TDRD12: variants seen among roughly 807,000 people sequenced by gnomAD.
TDRD12 encodes the protein tudor domain containing 12.
In TDRD12, 158 loss-of-function variants were observed where a neutral mutation model predicts 133.5. That is an observed-to-expected ratio of 1.18 (90% CI 1.04 to 1.35). The LOEUF (loss-of-function observed/expected upper bound fraction) is 1.35. Among genes scored for constraint, TDRD12 ranks in the 40% most tolerant of loss-of-function variants. TDRD12 has a pLI of 0.00. For missense variants in TDRD12, 1,443 were observed against 1,321.3 expected (o/e 1.09, Z -1.43); for synonymous variants, 460 against 477.9 (o/e 0.96, Z 0.49).
intron 5 of TDRD12, 107 bp from the exon 6 acceptor site, chr19:32,749,677 G>A (rs1969764464): frequency 1.3e-6 from 1 of 779,434 alleles, no homozygotes; most frequent in Non-Finnish European, 2.1e-6. Flanking sequence ...GAAGACATTT[G>A]GGCACTCTTA....
intron 2 of TDRD12, among the ~76,000 whole-genome samples, chr19:32,734,456 C>T (rs909596296): frequency 4.6e-5 from 7 of 151,696 alleles, no homozygotes; most frequent in Middle Eastern, 3.4e-3. Flanking sequence ...CTGCAACCTC[C>T]GCCTTTTGGT....
intron 21 of TDRD12, 137 bp from the exon 22 acceptor site, chr19:32,807,412 G>A (rs1971585412): frequency 4.6e-6 from 2 of 433,512 alleles, no homozygotes. Context: ...AATATTTAAT[G>A]TGGTTATTCA....
At chr19:32,726,010 A>ATATATATATATATATATATATATATAT (rs1968846711) in intron 1 of TDRD12, among the ~76,000 whole-genome samples, 1 of 152,126 alleles carries the variant, frequency 6.6e-6, no homozygotes, top group African/African-American at 2.4e-5. Context: ...TTTTTATTGT[A>ATATATATATATATATATATATATATAT]AAAAACATGT....
intron 24 of TDRD12, among the ~76,000 whole-genome samples, chr19:32,811,668 G>C (rs997166746): frequency 6.6e-6 from 1 of 152,064 alleles, no homozygotes; most frequent in African/African-American, 2.4e-5. Context: ...TAGGGATGTT[G>C]GTAAAATAAA....
chr19:32,822,917 C>T (rs929716720), downstream of TDRD12, among the ~76,000 whole-genome samples: 1 of 152,144 alleles, frequency 6.6e-6, no homozygotes, highest in Non-Finnish European at 1.5e-5. Flanking sequence ...TAGATCATTG[C>T]TCCTTGTCTT....
intron 4 of TDRD12, among the ~76,000 whole-genome samples, chr19:32,747,703 G>T (rs1186324221): frequency 6.6e-6 from 1 of 152,124 alleles, no homozygotes; most frequent in Non-Finnish European, 1.5e-5. Context: ...GCAGAGTGAG[G>T]AACAGTAGTT....
At chr19:32,805,729 C>CTTTTTTTTTTTTTTTT (rs397860060) in intron 21 of TDRD12, among the ~76,000 whole-genome samples, 3 of 118,896 alleles carry the variant, frequency 2.5e-5, no homozygotes, top group Non-Finnish European at 3.4e-5. Context: ...TTTTTTTTAT[C>CTTTTTTTTTTTTTTTT]TTTTTTTTTT....
intron 21 of TDRD12, among the ~76,000 whole-genome samples, chr19:32,803,593 A>G (rs1262534390): frequency 6.6e-6 from 1 of 152,120 alleles, no homozygotes; most frequent in Non-Finnish European, 1.5e-5. Context: ...TTTTGTGGAA[A>G]TGTGTACGCA....
intron 24 of TDRD12, among the ~76,000 whole-genome samples, chr19:32,813,409 A>G (rs997834232): frequency 1.3e-5 from 2 of 152,164 alleles, no homozygotes; most frequent in Non-Finnish European, 2.9e-5. Flanking sequence ...CCACAGAAGA[A>G]AATGTACAGT....
chr19:32,733,411 A>G (rs923315038), intron 2 of TDRD12, among the ~76,000 whole-genome samples: 3 of 151,902 alleles, frequency 2.0e-5, no homozygotes, highest in Non-Finnish European at 4.4e-5. Flanking sequence ...CGGAGGCTTC[A>G]GTGAGCCGAG....
chr19:32,805,143 T>C (rs1351413438), intron 21 of TDRD12, among the ~76,000 whole-genome samples: 1 of 146,738 alleles, frequency 6.8e-6, no homozygotes, highest in Non-Finnish European at 1.5e-5. Context: ...TTAAAATATA[T>C]ATATGTGTAT....
intron 11 of TDRD12, 97 bp downstream of exon 11, chr19:32,777,326 C>A: frequency 2.5e-6 from 2 of 812,322 alleles, no homozygotes; most frequent in Non-Finnish European, 3.7e-6. Context: ...AATTTCAAAC[C>A]TGCATTCCCA....
chr19:32,788,465 G>GT (rs1275055139), intron 11 of TDRD12, among the ~76,000 whole-genome samples: 18 of 151,978 alleles, frequency 1.2e-4, no homozygotes, highest in Admixed American at 7.2e-4. Flanking sequence ...ATTTTATTGT[G>GT]TTTTTTATTT....
chr19:32,724,051 G>A (rs1324259165), intron 1 of TDRD12, among the ~76,000 whole-genome samples: 1 of 151,794 alleles, frequency 6.6e-6, no homozygotes, highest in Non-Finnish European at 1.5e-5. Context: ...TAGAGACAGG[G>A]TCTCACTGTG....
At chr19:32,729,161 T>C (rs948994768) in intron 1 of TDRD12, among the ~76,000 whole-genome samples, 2 of 149,008 alleles carry the variant, frequency 1.3e-5, no homozygotes, top group African/African-American at 4.9e-5. Flanking sequence ...TTAATTCCAA[T>C]ATCTGGGTAT....
At chr19:32,777,841 A>T (rs544560431) in intron 11 of TDRD12, among the ~76,000 whole-genome samples, 1 of 14,852 alleles carries the variant, frequency 6.7e-5, no homozygotes, top group Non-Finnish European at 1.1e-4. Context: ...ATATATATAT[A>T]TATATATATA....
At chr19:32,798,552 T>A (rs1164863981) in intron 16 of TDRD12, 117 bp downstream of exon 16, 3 of 719,068 alleles carry the variant, frequency 4.2e-6, no homozygotes, top group Non-Finnish European at 6.1e-6. Context: ...TCTAAAAAAA[T>A]TTTATGCTTT....
chr19:32,818,590 T>C (rs905167525), intron 27 of TDRD12, among the ~76,000 whole-genome samples: 7 of 152,206 alleles, frequency 4.6e-5, no homozygotes, highest in African/African-American at 1.7e-4. Flanking sequence ...TATCAGTGTG[T>C]TCTGCTAGAG....
At chr19:32,734,288 T>C (rs538011366) in intron 2 of TDRD12, among the ~76,000 whole-genome samples, 44 of 152,110 alleles carry the variant, frequency 2.9e-4, no homozygotes, top group African/African-American at 1.0e-3. Flanking sequence ...AGTTTTCAAC[T>C]TAGTGCTTTG....
Sources: gnomAD v4.1 joint callset for allele counts (sites outside exome capture counted in the v4.1 genomes callset) on GRCh38, gnomAD v4.1.1 for gene constraint, MANE v1.5 for transcripts, NCBI Gene and HGNC (gene_info 2026-07-23, HGNC 2026-07-21) for gene names.